The following MCIDAS variants were observed in gnomAD, a reference collection of about 807,000 sequenced individuals.
MCIDAS encodes multiciliate differentiation and DNA synthesis associated cell cycle protein, also known as multicilin.
MCIDAS carries 23 observed loss-of-function variants against 35.4 expected under a neutral mutation model. The ratio of observed to expected loss-of-function variants is 0.65; its 90% confidence interval spans 0.47 to 0.92. MCIDAS has a LOEUF of 0.92. Ranked by LOEUF, MCIDAS falls within the 40% of genes least tolerant of loss-of-function variation. The probability of loss-of-function intolerance (pLI) is 0.00; values close to 1 mark genes in which losing one functional copy is unlikely to be tolerated. For synonymous variants in MCIDAS, 228 were observed against 235.2 expected (o/e 0.97, Z 0.28); for missense variants, 480 against 531.8 (o/e 0.90, Z 0.96).
rs1217056620 is a variant in MCIDAS at position 55,222,196 on chromosome 5, C to T, written c.586G>A (p.Ala196Thr). The T allele has an allele frequency of 3.3e-6, 5 of 1,535,034 alleles. No homozygotes were observed. The African/African-American group carries it at 4.1e-5, about 13-fold the overall frequency. Residue 196 changes from alanine to threonine, a missense_variant, in exon 5 of 7, where the codon GCG (alanine) becomes ACG (threonine). By Grantham distance (58) the Ala-to-Thr change is moderately conservative. Transcript: ENST00000513312. The part of the protein sequence containing the change: ...ADQNQRALGD[A>T]LVENNQLHVT... ...CCTACTTGATTATTCTCAACAAGCG[C>T]GTCTCCCAACGCTCTCTGGTTCTGG... is the stretch of plus-strand genomic sequence containing the variant.
chr5:55,222,465 T>C (rs911993244), intron 4 of MCIDAS, 66 bp from the exon 5 acceptor site: 31 of 1,291,090 alleles, frequency 2.4e-5, no homozygotes, highest in Middle Eastern at 2.1e-4. Context: ...AGGAGCAAAA[T>C]GCCACTCTGG....
Position 55,222,340 on chromosome 5 carries a change from C to G in MCIDAS, c.442G>C (p.Asp148His), listed in dbSNP as rs1351847479. ...AGGCAGGGCCCGAATGGTGATATGTCGCAAGGAGAGAAGGGGAAGTCTCCG... is the reference window on the plus strand; with the variant it reads ...AGGCAGGGCCCGAATGGTGATATGTGGCAAGGAGAGAAGGGGAAGTCTCCG... ...ASGDFPFSPC[D>H]ISPFGPCLSP... is the part of the protein sequence containing the mutation. Residue 148 changes from aspartate (D) to histidine (H), a missense_variant, in exon 5 of 7, where the codon GAC (aspartate) becomes CAC (histidine). By Grantham distance (81) the Asp-to-His change is moderately conservative. Coordinates refer to ENST00000513312, the MANE Select transcript of MCIDAS (RefSeq NM_001190787.3). 1.1e-5 allele frequency: 17 copies of G among 1,533,096 alleles called. No homozygotes were observed. The highest frequency in any genetic ancestry group is 1.5e-5 in the Non-Finnish European group (17 of 1,145,198). 95.0% of individuals were successfully genotyped at this position (1,533,096 alleles called of 1,614,324 possible).
intron 3 of MCIDAS, among the ~76,000 whole-genome samples, chr5:55,224,795 CA>C (rs1745428020): frequency 6.6e-6 from 1 of 152,184 alleles, no homozygotes; most frequent in Admixed American, 6.5e-5. Context: ...CTGAGTGTCC[CA>C]GGGGTCTCCC....
chr5:55,223,533 T>A lies in MCIDAS; in HGVS notation c.310-510A>T, dbSNP rs1356079212. 6.6e-6 allele frequency among the ~76,000 whole-genome samples: 1 copy of A among 152,180 alleles called. No individual in the cohort carries two copies. The highest frequency in any genetic ancestry group is 1.5e-5 in the Non-Finnish European group (1 of 68,020). ...CTCTGTGAAGCTCGGCGGTTCCCTG[T>A]GCGCCTGCGAAATTTTGACTCCGAC... On this transcript the variant is annotated intron_variant, in intron 3 of 6. Coordinates refer to ENST00000513312, the MANE Select transcript of MCIDAS (RefSeq NM_001190787.3). The surrounding 1 kb of genome is among the most constrained non-coding windows in gnomAD (Gnocchi z 4.4).
Position 55,220,506 on chromosome 5 carries a change from T to A in MCIDAS, c.1018A>T (p.Ser340Cys). Reference sequence around the variant, plus strand: ...AAGGAGCCGCCCTCCTCCAGCTCACTGTGGCTCAGGTTCAACGCGCTCCGG... The same window carrying A: ...AAGGAGCCGCCCTCCTCCAGCTCACAGTGGCTCAGGTTCAACGCGCTCCGG... ...CSRSALNLSH[S>C]ELEEGGSFST... The change falls in exon 7 of 7, where the codon AGT becomes TGT. Residue 340 changes from serine to cysteine, a missense_variant. Coordinates refer to ENST00000513312, the MANE Select transcript of MCIDAS (RefSeq NM_001190787.3). 6.5e-7 allele frequency: 1 copy of A among 1,536,086 alleles called. No individual in the cohort carries two copies. Among genetic ancestry groups the A allele is most frequent in the Non-Finnish European group, 8.7e-7 (1 of 1,146,890 alleles).
In MCIDAS at chr5:55,220,259, T is replaced by C. The variant is rs994309455; in HGVS notation, c.*107A>G. ...ATCGGTATCAAGATGCTTTTGTTCC[T>C]GAAAAAGTGTTTCAGGGTGGCATTC... On this transcript the variant is annotated 3_prime_UTR_variant, in exon 7 of 7. Coordinates refer to ENST00000513312, the MANE Select transcript of MCIDAS (RefSeq NM_001190787.3). 2 of 1,107,642 alleles carry C rather than the reference T, an allele frequency of 1.8e-6. No individual in the cohort carries two copies. The highest frequency in any genetic ancestry group is 3.2e-5 in the African/African-American group (2 of 63,286). 68.6% of individuals were successfully genotyped at this position (1,107,642 alleles called of 1,614,324 possible).
intron 6 of MCIDAS, 63 bp from the exon 7 acceptor site, chr5:55,220,869 C>A: frequency 2.0e-6 from 3 of 1,483,736 alleles, no homozygotes; most frequent in Middle Eastern, 2.3e-4. Flanking sequence ...TCGGAGCGTG[C>A]AAAAGGTGAC....
intron 3 of MCIDAS, 56 bp downstream of exon 3, chr5:55,226,520 C>T (rs1745456272): frequency 6.7e-7 from 1 of 1,494,310 alleles, no homozygotes; most frequent in Non-Finnish European, 8.9e-7. Flanking sequence ...AACCACCACC[C>T]CGGAGGAGGG....
chr5:55,224,664 C>A (rs1015922853), intron 3 of MCIDAS, among the ~76,000 whole-genome samples: 1 of 152,112 alleles, frequency 6.6e-6, no homozygotes, highest in Non-Finnish European at 1.5e-5. Flanking sequence ...GAACTGGGGC[C>A]CTGGAAATGC....
At chr5:55,220,854 C>T in intron 6 of MCIDAS, 48 bp from the exon 7 acceptor site, 2 of 1,496,530 alleles carry the variant, frequency 1.3e-6, no homozygotes, top group Non-Finnish European at 8.9e-7. Context: ...CCGGACCCTC[C>T]GGGTTCGGAG....
chr5:55,220,467 G>A lies in MCIDAS; in HGVS notation c.1057C>T (p.Arg353Cys). 1 of 1,536,042 alleles carries A rather than the reference G, an allele frequency of 6.5e-7. No homozygotes were observed. Among genetic ancestry groups the A allele is most frequent in the African/African-American group, 1.4e-5 (1 of 73,140 alleles). The change falls in exon 7 of 7, where the codon CGC becomes TGC. Residue 353 changes from arginine to cysteine, a missense_variant. Physicochemically the swap from Arg to Cys is radical, Grantham distance 180. Coordinates refer to ENST00000513312, the MANE Select transcript of MCIDAS (RefSeq NM_001190787.3). ...EEGGSFSTRI[R>C]SHSTIRTLAF... Reference sequence around the variant, plus strand: ...AGGGTGCGGATGGTGCTGTGGCTGCGGATGCGGGTGCTGAAGGAGCCGCCC... The same window carrying A: ...AGGGTGCGGATGGTGCTGTGGCTGCAGATGCGGGTGCTGAAGGAGCCGCCC...
intron 3 of MCIDAS, among the ~76,000 whole-genome samples, chr5:55,224,547 C>T (rs1745421673): frequency 6.6e-6 from 1 of 152,164 alleles, no homozygotes; most frequent in South Asian, 2.1e-4. Flanking sequence ...AGTCCTGGAG[C>T]ATGAGTGCTG....
chr5:55,226,897 G>A lies in MCIDAS; in HGVS notation c.155C>T (p.Thr52Ile), dbSNP rs896487065. Residue 52 changes from threonine (T) to isoleucine (I), a missense_variant, in exon 2 of 7, where the codon ACA (threonine) becomes ATA (isoleucine). By Grantham distance (89) the Thr-to-Ile change is moderately conservative. Coordinates refer to ENST00000513312, the MANE Select transcript of MCIDAS (RefSeq NM_001190787.3). Reference protein sequence around the residue: ...APPRKFFPGCTGGSPVSVYED... With the variant: ...APPRKFFPGCIGGSPVSVYED... ...GTACACCGACACCGGGCTCCCGCCT[G>A]TGCATCCGGGGAAGAACTTCCGCGG... The A allele has an allele frequency of 6.3e-6, 9 of 1,420,096 alleles. No individual in the cohort carries two copies. The highest frequency in any genetic ancestry group is 2.9e-5 in the Admixed American group (1 of 34,920). 88.0% of individuals were successfully genotyped at this position (1,420,096 alleles called of 1,614,324 possible).
At position 55,221,141 on chromosome 5, in the gene MCIDAS, C is replaced by T; in HGVS notation, c.607-15G>A. The stretch of plus-strand genomic sequence containing the variant: ...GTCACGTGCAGCTGCAGGAGGAGAC[C>T]CAAACATTCAGGGGTAGGTACTGTG... On this transcript the variant is annotated splice_polypyrimidine_tract_variant and intron_variant, in intron 5 of 6. Transcript: ENST00000513312. 1.3e-6 allele frequency: 2 copies of T among 1,529,344 alleles called. No individual in the cohort carries two copies. Among genetic ancestry groups the T allele is most frequent in the Non-Finnish European group, 1.8e-6 (2 of 1,141,054 alleles). The allele number at this position is 1,529,344 out of a possible 1,614,324, so 94.7% of individuals were successfully genotyped here. A position where few individuals can be genotyped will look rare whatever the true frequency, so the allele number is the denominator to read the frequency against.
In MCIDAS at chr5:55,226,589, A is replaced by T; in HGVS notation, c.296T>A (p.Leu99Gln). The change falls in exon 3 of 7, where the codon CTG becomes CAG. Residue 99 changes from leucine to glutamine, a missense_variant. By Grantham distance (113) the Leu-to-Gln change is moderately radical (BLOSUM62 -2). Transcript: ENST00000513312. ...AAGGGGAGGTACCTGCGAGGCGGCC[A>T]GGTCACCACCAGGCGGCGCGTCGGA... ...LGSDAPPGGDLAASQNHSHQT... is the reference protein window; with the variant it reads ...LGSDAPPGGDQAASQNHSHQT... 6.5e-7 allele frequency: 1 copy of T among 1,531,852 alleles called. No homozygotes were observed. Among genetic ancestry groups the T allele is most frequent in the Non-Finnish European group, 8.7e-7 (1 of 1,145,090 alleles). 94.9% of individuals were successfully genotyped at this position (1,531,852 alleles called of 1,614,324 possible). A position where few individuals can be genotyped will look rare whatever the true frequency, so the allele number is the denominator to read the frequency against.
At position 55,222,157 on chromosome 5, in the gene MCIDAS, G is replaced by T. The variant is rs1314198754; in HGVS notation, c.606+19C>A. 1.3e-6 allele frequency: 2 copies of T among 1,532,372 alleles called. No homozygotes were observed. The highest frequency in any genetic ancestry group is 2.4e-5 in the South Asian group (2 of 83,890). 94.9% of individuals were successfully genotyped at this position (1,532,372 alleles called of 1,614,324 possible). A position where few individuals can be genotyped will look rare whatever the true frequency, so the allele number is the denominator to read the frequency against. ...TGTCCCTGCCCCAGGATTCCTGGTCGCCAGACCAGTGTCCCTACTTGATTA... is the reference window on the plus strand; with the variant it reads ...TGTCCCTGCCCCAGGATTCCTGGTCTCCAGACCAGTGTCCCTACTTGATTA... On this transcript the variant is annotated intron_variant, in intron 5 of 6. Coordinates refer to ENST00000513312, the MANE Select transcript of MCIDAS (RefSeq NM_001190787.3).
At position 55,219,666 on chromosome 5, in the gene MCIDAS, G is replaced by A; in HGVS notation, c.*700C>T. 6.6e-6 allele frequency: 1 copy of A among 152,010 alleles called. No individual in the cohort carries two copies. The highest frequency in any genetic ancestry group is 6.6e-5 in the Admixed American group (1 of 15,254). 9.4% of individuals were successfully genotyped at this position (152,010 alleles called of 1,614,324 possible). ...CTATTTGCACAAATAGAACTGTATG[G>A]ATAATGAATATAAACTGTTACCATA... On this transcript the variant is annotated 3_prime_UTR_variant, in exon 7 of 7. Coordinates refer to ENST00000513312, the MANE Select transcript of MCIDAS (RefSeq NM_001190787.3).
chr5:55,220,845 C>G (rs1255177358), intron 6 of MCIDAS, 39 bp from the exon 7 acceptor site: 17 of 1,503,102 alleles, frequency 1.1e-5, no homozygotes, highest in Middle Eastern at 2.2e-4. Context: ...TGGGGCCTGC[C>G]GGACCCTCCG....
rs959579616 is a variant in MCIDAS at position 55,223,731 on chromosome 5, G to A, written c.310-708C>T. Reference sequence around the variant, plus strand: ...ACCGCCCCACCCATGCAACCGAGCGGGAAGAAAGCTGTGATTCGAGGGGCC... The same window carrying A: ...ACCGCCCCACCCATGCAACCGAGCGAGAAGAAAGCTGTGATTCGAGGGGCC... On this transcript the variant is annotated intron_variant, in intron 3 of 6. Coordinates refer to ENST00000513312, the MANE Select transcript of MCIDAS (RefSeq NM_001190787.3). The surrounding 1 kb of genome is among the most constrained non-coding windows in gnomAD (Gnocchi z 4.4). Among the ~76,000 whole-genome samples the A allele has an allele frequency of 6.6e-6, 1 of 152,218 alleles. No individual in the cohort carries two copies. Among genetic ancestry groups the A allele is most frequent in the African/African-American group, 2.4e-5 (1 of 41,464 alleles).
Sources: allele counts gnomAD v4.1 joint callset (sites outside exome capture counted in the v4.1 genomes callset), GRCh38; gene constraint gnomAD v4.1.1; non-coding constraint Gnocchi (gnomAD v3.1); transcripts MANE v1.5; gene names NCBI Gene and HGNC (gene_info 2026-07-23, HGNC 2026-07-21).